AGFG2: variants seen among roughly 807,000 people sequenced by gnomAD.
The protein encoded by AGFG2 is arf-GAP domain and FG repeat-containing protein 2.
In AGFG2, 31 loss-of-function variants were observed where a neutral mutation model predicts 48.0. That is an observed-to-expected ratio of 0.65 (90% CI 0.49 to 0.87). AGFG2 has a LOEUF of 0.87. AGFG2 is among the 40% of genes least tolerant of loss of function. The pLI, the probability that AGFG2 is intolerant of heterozygous loss-of-function variation, is 0.00. For synonymous variants in AGFG2, 229 were observed against 260.8 expected (o/e 0.88, Z 1.18); for missense variants, 599 against 632.6 (o/e 0.95, Z 0.57).
intron 6 of AGFG2, among the ~76,000 whole-genome samples, chr7:100,557,824 T>A (rs1252697782): frequency 6.6e-6 from 1 of 151,984 alleles, no homozygotes; most frequent in Non-Finnish European, 1.5e-5. Context: ...GGAAAACAGA[T>A]GGAAATTAGT....
intron 3 of AGFG2, among the ~76,000 whole-genome samples, chr7:100,552,262 A>G (rs1800663152): frequency 2.6e-5 from 4 of 152,156 alleles, no homozygotes; most frequent in African/African-American, 9.7e-5. Flanking sequence ...AAATAATAAT[A>G]CAAATAAAAA....
chr7:100,554,229 C>G lies in AGFG2; in HGVS notation c.722C>G (p.Pro241Arg). The G allele has an allele frequency of 5.6e-6, 9 of 1,613,830 alleles. No homozygotes were observed. The highest frequency in any genetic ancestry group is 7.6e-6 in the Non-Finnish European group (9 of 1,179,826). The change falls in exon 5 of 12, where the codon CCA becomes CGA. Residue 241 changes from proline to arginine, a missense_variant. Transcript: ENST00000300176. The stretch of plus-strand genomic sequence containing the variant: ...CCCTTTGCTGCACCCCAGATGGCAC[C>G]AGCTTTTGCTGCATTCCCTGCCTTT... Reference protein sequence around the residue: ...GDPFAAPQMAPAFAAFPAFGG... With the variant: ...GDPFAAPQMARAFAAFPAFGG...
At chr7:100,543,111 T>C (rs762732472) in intron 1 of AGFG2, among the ~76,000 whole-genome samples, 3 of 152,186 alleles carry the variant, frequency 2.0e-5, no homozygotes, top group Non-Finnish European at 4.4e-5. Context: ...TCGCCCAGGC[T>C]GGAGTGCAGT....
chr7:100,551,062 A>ATTTTTT (rs1562791881), intron 3 of AGFG2, among the ~76,000 whole-genome samples: 12 of 73,902 alleles, frequency 1.6e-4, no homozygotes, highest in African/African-American at 6.8e-4. Context: ...ATATATATAT[A>ATTTTTT]TATATTTCTT....
chr7:100,564,126 C>T (rs1800945511), intron 10 of AGFG2, 92 bp from the exon 11 acceptor site: 1 of 1,531,622 alleles, frequency 6.5e-7, no homozygotes, highest in Non-Finnish European at 8.9e-7. Context: ...CTGCTCTGTT[C>T]CCTTACTCCC....
chr7:100,557,014 A>G (rs999831842), intron 6 of AGFG2, among the ~76,000 whole-genome samples: 5 of 152,122 alleles, frequency 3.3e-5, no homozygotes, highest in Admixed American at 6.6e-5. Context: ...CCTGGCCAAC[A>G]TGGTGAAACA....
At chr7:100,554,063 A>C in intron 4 of AGFG2, 30 bp from the exon 5 acceptor site, 1 of 1,595,978 alleles carries the variant, frequency 6.3e-7, no homozygotes. Context: ...CTGGGATTCT[A>C]AGGGCTGTAT....
chr7:100,541,367 T>C (rs985053917), intron 1 of AGFG2, among the ~76,000 whole-genome samples: 10 of 152,100 alleles, frequency 6.6e-5, no homozygotes, highest in Non-Finnish European at 1.5e-4. Context: ...GGGATAATGA[T>C]TGAGAACCCA....
At chr7:100,558,047 C>G (rs1427491516) in intron 6 of AGFG2, among the ~76,000 whole-genome samples, 1 of 151,984 alleles carries the variant, frequency 6.6e-6, no homozygotes, top group Non-Finnish European at 1.5e-5. Context: ...AACCCTGTCT[C>G]TGCTAAAAAT....
At chr7:100,554,822 C>T in intron 5 of AGFG2, among the ~76,000 whole-genome samples, 1 of 151,446 alleles carries the variant, frequency 6.6e-6, no homozygotes, top group East Asian at 1.9e-4. Flanking sequence ...CCTGTAGTCC[C>T]AGCTACTTGG....
At chr7:100,563,060 C>A in intron 9 of AGFG2, 114 bp downstream of exon 9, 2 of 1,101,076 alleles carry the variant, frequency 1.8e-6, no homozygotes, top group Non-Finnish European at 2.6e-6. Context: ...AGCAGACAGC[C>A]TGGTTCTTCC....
rs747041982 is a variant in AGFG2 at position 100,550,439 on chromosome 7, C to G, written c.359C>G (p.Ser120Cys). The change falls in exon 3 of 12, where the codon TCT becomes TGT. Residue 120 changes from serine (S) to cysteine (C), a missense_variant. Ser to Cys is a moderately radical substitution (Grantham distance 112). Transcript: ENST00000300176. ...IWLGLFDART[S>C]LVPDSRDPQK... The stretch of plus-strand genomic sequence containing the variant: ...TTGGGTCTGTTTGATGCTCGGACAT[C>G]TTTAGTACCAGATTCCAGGGATCCT... 1.2e-6 allele frequency: 2 copies of G among 1,613,140 alleles called. No individual in the cohort carries two copies.
rs540824856 is a variant in AGFG2, at chr7:100,566,758, C to G, written c.*1767C>G. On this transcript the variant is annotated 3_prime_UTR_variant, in exon 12 of 12. Transcript: ENST00000300176. ...CTCCTGGGTGGTCTCCCGCTTCGCT[C>G]CTGGCCTTTGCATGTTCCATCTCTT... 1 of 152,648 alleles carries G rather than the reference C, an allele frequency of 6.6e-6. No individual in the cohort carries two copies. Among genetic ancestry groups the G allele is most frequent in the South Asian group, 2.1e-4 (1 of 4,832 alleles). The allele number at this position is 152,648 out of a possible 1,614,324, so 9.5% of individuals were successfully genotyped here. A position where few individuals can be genotyped will look rare whatever the true frequency, so the allele number is the denominator to read the frequency against.
At position 100,562,107 on chromosome 7, in the gene AGFG2, T is replaced by A; in HGVS notation, c.878-152T>A. 1 of 1,042,216 alleles carries A rather than the reference T, an allele frequency of 9.6e-7. No individual in the cohort carries two copies. The highest frequency in any genetic ancestry group is 1.4e-6 in the Non-Finnish European group (1 of 711,810). The allele number at this position is 1,042,216 out of a possible 1,614,324, so 64.6% of individuals were successfully genotyped here. A position where few individuals can be genotyped will look rare whatever the true frequency, so the allele number is the denominator to read the frequency against. On this transcript the variant is annotated intron_variant, in intron 6 of 11. Transcript: ENST00000300176. The surrounding 1 kb of genome is among the most constrained non-coding windows in gnomAD (Gnocchi z 5.4). ...AGACAAGACCTCCTGAACTGGGTGG[T>A]CCCTGAGAAAATGGGCTGCCTCAGA...
chr7:100,563,893 G>A lies in AGFG2; in HGVS notation c.1231G>A (p.Gly411Arg). ...CTTCCCCCAGGCAGTGCCACCCACT[G>A]GGGCCTTTGCCAGCTCCTTCCCAGC... ...PGFPQAVPPT[G>R]AFASSFPAPL... Residue 411 changes from glycine to arginine, a missense_variant, in exon 10 of 12, where the codon GGG becomes AGG. Gly to Arg is a moderately radical substitution (Grantham distance 125). Transcript: ENST00000300176. The A allele has an allele frequency of 6.2e-7, 1 of 1,610,420 alleles. No homozygotes were observed. Among genetic ancestry groups the A allele is most frequent in the Non-Finnish European group, 8.5e-7 (1 of 1,180,004 alleles).
In AGFG2 at chr7:100,555,703, A is replaced by G; in HGVS notation, c.845A>G (p.Gln282Arg). ...TTTGGAAGCCTCCCTCCAGCTGGTC[A>G]AGCCTCGTTCCAGGCCCAGCCAACT... The part of the protein sequence containing the change: ...SVFGSLPPAG[Q>R]ASFQAQPTPA... The change falls in exon 6 of 12, where the codon CAA becomes CGA. Residue 282 changes from glutamine (Q) to arginine (R), a missense_variant. Gln to Arg is a conservative substitution (Grantham distance 43). Coordinates refer to ENST00000300176, the MANE Select transcript of AGFG2 (RefSeq NM_006076.5). 6.2e-7 allele frequency: 1 copy of G among 1,614,126 alleles called. No individual in the cohort carries two copies. The highest frequency in any genetic ancestry group is 8.5e-7 in the Non-Finnish European group (1 of 1,179,962).
intron 6 of AGFG2, chr7:100,556,678 G>A (rs1800765657): frequency 1.6e-6 from 2 of 1,260,404 alleles, no homozygotes; most frequent in Non-Finnish European, 2.1e-6. Context: ...TGATCATAGA[G>A]TTTTGAGGGC....
chr7:100,560,679 C>T (rs868586148), intron 6 of AGFG2, among the ~76,000 whole-genome samples: 3 of 152,112 alleles, frequency 2.0e-5, no homozygotes, highest in African/African-American at 4.8e-5. Flanking sequence ...TGAGAGGGAG[C>T]GGGGCTTCAG....
In AGFG2 at chr7:100,565,039, C is replaced by T. The variant is rs1800975880; in HGVS notation, c.*48C>T. The T allele has an allele frequency of 1.9e-6, 3 of 1,573,720 alleles. No individual in the cohort carries two copies. Among genetic ancestry groups the T allele is most frequent in the Admixed American group, 1.7e-5 (1 of 59,946 alleles). ...TTCCCTGCCTTCTGGGGCCCCTCTG[C>T]TCCCTAGAGCTCTGGTGACCACTTG... On this transcript the variant is annotated 3_prime_UTR_variant, in exon 12 of 12. Transcript: ENST00000300176.
Sources: gnomAD v4.1 joint callset for allele counts (sites outside exome capture counted in the v4.1 genomes callset) on GRCh38, gnomAD v4.1.1 for gene constraint, Gnocchi (gnomAD v3.1) non-coding constraint, MANE v1.5 for transcripts, NCBI Gene and HGNC (gene_info 2026-07-23, HGNC 2026-07-21) for gene names.